Variants in OLA1 observed in about 807,000 individuals in gnomAD.
The protein encoded by OLA1 is Obg like ATPase 1.
A neutral mutation model predicts 48.4 loss-of-function variants in OLA1; 14 were observed. The ratio of observed to expected loss-of-function variants is 0.29; its 90% CI spans 0.19 to 0.45. OLA1 has a LOEUF of 0.45. OLA1 is among the 20% of genes least tolerant of loss of function. OLA1 has a pLI of 1.00. For synonymous variants in OLA1, 127 were observed against 150.4 expected (o/e 0.84, Z 1.14); for missense variants, 325 against 467.1 (o/e 0.70, Z 2.80).
intron 8 of OLA1, 132 bp from the exon 9 acceptor site, chr2:174,081,380 A>G (rs1684850015): frequency 6.2e-6 from 4 of 642,634 alleles, no homozygotes; most frequent in South Asian, 1.9e-5. Context: ...CTTTCAGAAT[A>G]CACTGGAAGG....
intron 4 of OLA1, among the ~76,000 whole-genome samples, chr2:174,152,775 A>G (rs778668936): frequency 6.6e-6 from 1 of 152,250 alleles, no homozygotes; most frequent in Non-Finnish European, 1.5e-5. Flanking sequence ...CTGATTTACA[A>G]TAAGATATCA....
intron 7 of OLA1, among the ~76,000 whole-genome samples, chr2:174,083,602 G>A (rs1684905445): frequency 6.6e-6 from 1 of 151,934 alleles, no homozygotes; most frequent in Non-Finnish European, 1.5e-5. Context: ...AAAAGGTGGG[G>A]GGACTGAAAT....
intron 4 of OLA1, among the ~76,000 whole-genome samples, chr2:174,193,882 C>A (rs1687828015): frequency 6.6e-6 from 1 of 152,166 alleles, no homozygotes; most frequent in Non-Finnish European, 1.5e-5. Context: ...CTGAGCAAGG[C>A]TCAGCCTTAG....
chr2:174,092,935 C>T (rs16862348), intron 7 of OLA1, among the ~76,000 whole-genome samples: 6,420 of 152,126 alleles, frequency 0.042, 484 homozygotes, highest in African/African-American at 0.15. Context: ...AAGTCTGAAC[C>T]GTCAAGCTAC....
intron 4 of OLA1, among the ~76,000 whole-genome samples, chr2:174,188,733 C>T (rs1184095270): frequency 6.6e-6 from 1 of 152,178 alleles, no homozygotes; most frequent in Non-Finnish European, 1.5e-5. Context: ...TTGACATATA[C>T]AAACTTTTGT....
intron 6 of OLA1, 30 bp downstream of exon 6, chr2:174,123,565 G>T: frequency 7.5e-7 from 1 of 1,338,180 alleles, no homozygotes; most frequent in Non-Finnish European, 1.0e-6. Flanking sequence ...AGCAAAGGCA[G>T]TAATAGATGG....
intron 7 of OLA1, among the ~76,000 whole-genome samples, chr2:174,105,741 A>C (rs1685500123): frequency 6.6e-6 from 1 of 152,052 alleles, no homozygotes; most frequent in Admixed American, 6.6e-5. Flanking sequence ...TTAATATTAA[A>C]TTAATTCTTT....
intron 4 of OLA1, among the ~76,000 whole-genome samples, chr2:174,150,712 T>C (rs949642731): frequency 6.6e-6 from 1 of 152,184 alleles, no homozygotes; most frequent in Non-Finnish European, 1.5e-5. Flanking sequence ...AGCCTCCTTA[T>C]ATACCCAACA....
At chr2:174,161,167 C>T (rs970267818) in intron 4 of OLA1, among the ~76,000 whole-genome samples, 1 of 152,098 alleles carries the variant, frequency 6.6e-6, no homozygotes, top group Non-Finnish European at 1.5e-5. Flanking sequence ...AACTATATCA[C>T]ATACATAGTT....
intron 4 of OLA1, among the ~76,000 whole-genome samples, chr2:174,168,187 G>A (rs1687211340): frequency 6.6e-6 from 1 of 152,210 alleles, no homozygotes; most frequent in South Asian, 2.1e-4. Flanking sequence ...TAGGGAAACT[G>A]TAGCGATGGA....
rs1053469894 is a variant in OLA1, at chr2:174,190,391, T to C, written c.373+32642A>G. Among the ~76,000 whole-genome samples, 22 of 152,156 alleles carry C rather than the reference T, an allele frequency of 1.4e-4. 1 individual carries two copies. Among genetic ancestry groups the C allele is most frequent in the African/African-American group, 5.1e-4 (21 of 41,436 alleles). On this transcript the variant is annotated intron_variant, in intron 4 of 10. Coordinates refer to ENST00000284719, the MANE Select transcript of OLA1 (RefSeq NM_013341.5). The stretch of plus-strand genomic sequence containing the variant: ...CTATAAACCGAATATGAAAATCATC[T>C]CCATTTCACATATGAGGAAACTGAG...
intron 9 of OLA1, 180 bp downstream of exon 9, chr2:174,080,972 A>G: frequency 1.7e-6 from 1 of 577,950 alleles, no homozygotes; most frequent in Non-Finnish European, 3.1e-6. Flanking sequence ...ACCTGCCTCA[A>G]TCAATGCCGC....
rs1684638455 is a variant in OLA1 at position 174,072,973 on chromosome 2, G to C, written c.*2453C>G. ...ATCTTTCTTCAAGCTTTGGGCACAA[G>C]CCTTCTCAAGTTTCTCTTTCTCTTT... On this transcript the variant is annotated 3_prime_UTR_variant, in exon 11 of 11. Transcript: ENST00000284719. 6.6e-6 allele frequency: 1 copy of C among 152,218 alleles called. No individual in the cohort carries two copies. The highest frequency in any genetic ancestry group is 1.5e-5 in the Non-Finnish European group (1 of 68,104). 9.4% of individuals were successfully genotyped at this position (152,218 alleles called of 1,614,324 possible).
chr2:174,119,609 CA>C (rs140531935), intron 7 of OLA1, among the ~76,000 whole-genome samples: 1 of 151,978 alleles, frequency 6.6e-6, no homozygotes, highest in Admixed American at 6.6e-5. Context: ...TGATTCCCCC[CA>C]AACCAAGCAC....
chr2:174,108,849 C>A (rs1358209103), intron 7 of OLA1, among the ~76,000 whole-genome samples: 1 of 152,144 alleles, frequency 6.6e-6, no homozygotes, highest in Admixed American at 6.5e-5. Flanking sequence ...ACATCCTATT[C>A]CATTCATAAC....
At chr2:174,205,161 C>G (rs1688080916) in intron 4 of OLA1, among the ~76,000 whole-genome samples, 1 of 152,124 alleles carries the variant, frequency 6.6e-6, no homozygotes, top group South Asian at 2.1e-4. Context: ...ATAGCTGTTA[C>G]CCTGAATATA....
intron 4 of OLA1, among the ~76,000 whole-genome samples, chr2:174,197,265 A>C (rs1373151343): frequency 2.0e-5 from 3 of 152,196 alleles, no homozygotes; most frequent in Non-Finnish European, 4.4e-5. Flanking sequence ...CAAGCTCTAA[A>C]GGCCTAATTA....
intron 6 of OLA1, 109 bp from the exon 7 acceptor site, chr2:174,123,386 T>C: frequency 4.8e-6 from 3 of 619,480 alleles, no homozygotes; most frequent in South Asian, 4.7e-5. Context: ...GGCATTTTCA[T>C]TTTTATAATT....
At chr2:174,225,674 C>T (rs1688600590) in intron 3 of OLA1, among the ~76,000 whole-genome samples, 1 of 152,128 alleles carries the variant, frequency 6.6e-6, no homozygotes, top group African/African-American at 2.4e-5. Flanking sequence ...CCTCAGGTAA[C>T]CCTTTACAGC....
Sources: gnomAD v4.1 joint callset for allele counts (sites outside exome capture counted in the v4.1 genomes callset) on GRCh38, gnomAD v4.1.1 for gene constraint, MANE v1.5 for transcripts, NCBI Gene and HGNC (gene_info 2026-07-23, HGNC 2026-07-21) for gene names.